CLIP2: variants seen among roughly 807,000 people sequenced by gnomAD.
CLIP2 encodes the protein CAP-Gly domain containing linker protein 2.
In CLIP2, 41 loss-of-function variants were observed where a neutral mutation model predicts 111.7. The observed-to-expected ratio is 0.37, with a 90% CI of 0.29 to 0.48. The LOEUF (loss-of-function observed/expected upper bound fraction) is 0.48. Ranked by LOEUF, CLIP2 falls within the 20% of genes least tolerant of loss-of-function variation. CLIP2 has a pLI of 0.99. For missense variants in CLIP2, 1,160 were observed against 1,422.1 expected, an observed-to-expected ratio of 0.82 and a Z score of 2.96; for synonymous variants, 660 against 644.2, an observed-to-expected ratio of 1.02 and a Z score of -0.37.
intron 13 of CLIP2, among the ~76,000 whole-genome samples, chr7:74,395,377 T>C (rs532491950): frequency 6.6e-6 from 1 of 152,242 alleles, no homozygotes; most frequent in Non-Finnish European, 1.5e-5. Flanking sequence ...AGGCTGGTCT[T>C]GACTCATGAC....
chr7:74,326,097 G>A (rs1789098753), intron 2 of CLIP2, among the ~76,000 whole-genome samples: 2 of 151,986 alleles, frequency 1.3e-5, no homozygotes, highest in Admixed American at 6.6e-5. Context: ...AAAATTAGCC[G>A]GGCGCGACGG....
chr7:74,361,507 G>A (rs868972806), intron 7 of CLIP2, among the ~76,000 whole-genome samples: 3 of 151,634 alleles, frequency 2.0e-5, no homozygotes, highest in South Asian at 2.1e-4. Context: ...GTGAGCCACC[G>A]CGCCCAGCCT....
chr7:74,329,957 T>C (rs1407233433), intron 2 of CLIP2, among the ~76,000 whole-genome samples: 1 of 151,966 alleles, frequency 6.6e-6, no homozygotes, highest in Non-Finnish European at 1.5e-5. Context: ...TTTTGTAGTT[T>C]TAGTAGAGAC....
chr7:74,311,193 A>G (rs1554728477), intron 1 of CLIP2, among the ~76,000 whole-genome samples: 1 of 152,016 alleles, frequency 6.6e-6, no homozygotes, highest in Non-Finnish European at 1.5e-5. Flanking sequence ...GTTAGCCAGA[A>G]TGGTCTCGAT....
At chr7:74,385,735 T>G (rs1272049135) in intron 11 of CLIP2, among the ~76,000 whole-genome samples, 4 of 135,956 alleles carry the variant, frequency 2.9e-5, no homozygotes, top group African/African-American at 5.9e-5. Context: ...GTGTCGGGTC[T>G]TCTTTTTTTT....
chr7:74,397,963 G>A (rs62476444), intron 14 of CLIP2, among the ~76,000 whole-genome samples: 102,104 of 150,456 alleles, frequency 0.68, 34,555 homozygotes, highest in East Asian at 0.74. Context: ...CACTGCGCCC[G>A]GTCGAGATTT....
chr7:74,300,069 C>T (rs1788285993), intron 1 of CLIP2, among the ~76,000 whole-genome samples: 1 of 152,006 alleles, frequency 6.6e-6, no homozygotes, highest in Non-Finnish European at 1.5e-5. Flanking sequence ...TCACTGCAAC[C>T]TCCGCCTCCT....
intron 1 of CLIP2, among the ~76,000 whole-genome samples, chr7:74,301,954 C>T (rs1040576204): frequency 6.6e-5 from 10 of 151,934 alleles, no homozygotes; most frequent in African/African-American, 2.2e-4. Flanking sequence ...CTCAAGTGAT[C>T]CACCCGCCTT....
chr7:74,370,959 G>A lies in CLIP2; in HGVS notation c.1381-1973G>A, dbSNP rs78246309. Among the ~76,000 whole-genome samples, 302 of 151,974 alleles carry A rather than the reference G, an allele frequency of 2.0e-3. 3 individuals are homozygous for A. In the East Asian group the frequency reaches 0.043, roughly 22 times the overall value. ...TCCCCACCCCCCAGAATATAAACCC[G>A]TTGAGGGGCCAGGCGTGGTGGCTCA... On this transcript the variant is annotated intron_variant, in intron 8 of 16. Transcript: ENST00000223398.
rs781999614 is a variant in CLIP2, at chr7:74,317,484, G to A, written c.-63G>A. 2 of 1,337,430 alleles carry A rather than the reference G, an allele frequency of 1.5e-6. No individual in the cohort carries two copies. The highest frequency in any genetic ancestry group is 9.6e-7 in the Non-Finnish European group (1 of 1,036,880). The allele number at this position is 1,337,430 out of a possible 1,614,324, so 82.8% of individuals were successfully genotyped here. On this transcript the variant is annotated 5_prime_UTR_variant, in exon 2 of 17. The change creates a new upstream start codon in the 5' untranslated region. Transcript: ENST00000223398. ...CTCTCCTGTCTCTGCCCGCAGGTGA[G>A]TGAAGATGGCAGAGAGGACGTGACC...
chr7:74,301,638 C>A (rs2116459218), intron 1 of CLIP2, among the ~76,000 whole-genome samples: 1 of 151,922 alleles, frequency 6.6e-6, no homozygotes, highest in South Asian at 2.1e-4. Flanking sequence ...GTGATCCGCC[C>A]ACCTCCACCT....
chr7:74,312,580 G>A (rs183002751), intron 1 of CLIP2, among the ~76,000 whole-genome samples: 10 of 152,314 alleles, frequency 6.6e-5, no homozygotes, highest in African/African-American at 1.4e-4. Flanking sequence ...GGAGAGCTGT[G>A]CCCAAAGCTC....
intron 7 of CLIP2, among the ~76,000 whole-genome samples, chr7:74,360,794 A>G (rs1363740721): frequency 1.3e-5 from 2 of 151,818 alleles, no homozygotes; most frequent in African/African-American, 4.8e-5. Context: ...CAGGCTATTC[A>G]CCCGCCTCGG....
chr7:74,309,428 G>T (rs540519715), intron 1 of CLIP2, among the ~76,000 whole-genome samples: 11 of 152,314 alleles, frequency 7.2e-5, no homozygotes, highest in African/African-American at 2.6e-4. Flanking sequence ...GTGCCCATTT[G>T]CAGCCAATCT....
chr7:74,314,832 G>C (rs1164302853), intron 1 of CLIP2, among the ~76,000 whole-genome samples: 1 of 152,212 alleles, frequency 6.6e-6, no homozygotes, highest in Non-Finnish European at 1.5e-5. Context: ...TGGGGGGCTT[G>C]TCCACCCCTC....
chr7:74,357,751 TTTTC>T (rs1332309787), intron 6 of CLIP2, among the ~76,000 whole-genome samples: 33 of 151,704 alleles, frequency 2.2e-4, no homozygotes, highest in East Asian at 1.9e-4. Flanking sequence ...TATTTATTAT[TTTTC>T]TTTCTTTCTT....
chr7:74,349,371 C>T (rs1198861458), intron 3 of CLIP2, among the ~76,000 whole-genome samples: 10 of 141,802 alleles, frequency 7.1e-5, no homozygotes, highest in Middle Eastern at 8.3e-3. Context: ...GCAGAGGTTG[C>T]GGTCAGCTGA....
chr7:74,394,709 C>T (rs1791399716), intron 13 of CLIP2, among the ~76,000 whole-genome samples: 1 of 152,222 alleles, frequency 6.6e-6, no homozygotes, highest in South Asian at 2.1e-4. Flanking sequence ...TGTAGCCCTG[C>T]CCAGGAGGGA....
chr7:74,375,943 G>A lies in CLIP2; in HGVS notation c.1542G>A (p.Leu514=). The A allele has an allele frequency of 6.2e-7, 1 of 1,601,388 alleles. No homozygotes were observed. Among genetic ancestry groups the A allele is most frequent in the East Asian group, 2.3e-5 (1 of 44,314 alleles). Residue 514 remains leucine (L), a synonymous_variant, in exon 10 of 17, where the codon CTG becomes CTA. Coordinates refer to ENST00000223398, the MANE Select transcript of CLIP2 (RefSeq NM_003388.5). The part of the protein sequence containing the change: ...RVLQLEEELT[L]RRGEIEELQQ... ...TGCAGCTGGAGGAGGAGCTCACCCT[G>A]CGCCGAGGTGAAATCGAGGAGCTCC...
Sources: gnomAD v4.1 joint callset for allele counts (sites outside exome capture counted in the v4.1 genomes callset) on GRCh38, gnomAD v4.1.1 for gene constraint, MANE v1.5 for transcripts, NCBI Gene and HGNC (gene_info 2026-07-23, HGNC 2026-07-21) for gene names.